The following CADPS2 variants were observed in gnomAD, a reference collection of about 807,000 sequenced individuals.
The protein encoded by CADPS2 is calcium-dependent secretion activator 2.
A neutral mutation model predicts 172.5 loss-of-function variants in CADPS2; 93 were observed. The observed-to-expected ratio is 0.54, with a 90% CI of 0.46 to 0.64. CADPS2 has a LOEUF of 0.64. Ranked by LOEUF, CADPS2 falls within the 30% of genes least tolerant of loss-of-function variation. CADPS2 has a pLI of 0.00. For synonymous variants in CADPS2, 546 were observed against 555.2 expected, an observed-to-expected ratio of 0.98 and a Z score of 0.23; for missense variants, 1,420 against 1,565.9, an observed-to-expected ratio of 0.91 and a Z score of 1.57.
intron 3 of CADPS2, among the ~76,000 whole-genome samples, chr7:122,630,749 T>C (rs1031768826): frequency 6.6e-6 from 1 of 152,192 alleles, no homozygotes; most frequent in African/African-American, 2.4e-5. Context: ...TTGAGGATAT[T>C]CATGTTAATT....
chr7:122,687,764 T>C (rs2083827108), intron 2 of CADPS2, among the ~76,000 whole-genome samples: 1 of 152,222 alleles, frequency 6.6e-6, no homozygotes, highest in Non-Finnish European at 1.5e-5. Flanking sequence ...TACATAGGGA[T>C]ACTACAAATT....
At chr7:122,702,327 T>G (rs772927404) in intron 2 of CADPS2, 2 of 1,613,776 alleles carry the variant, frequency 1.2e-6, no homozygotes, top group South Asian at 2.2e-5. Context: ...TGGTGAGACA[T>G]GGGAAATACT....
chr7:122,490,400 A>G, intron 10 of CADPS2, 119 bp from the exon 11 acceptor site: 1 of 726,936 alleles, frequency 1.4e-6, no homozygotes, highest in South Asian at 1.8e-5. Context: ...AATGTTTTAA[A>G]GAATATTTAG....
intron 2 of CADPS2, among the ~76,000 whole-genome samples, chr7:122,689,144 G>A (rs1189996429): frequency 6.6e-6 from 1 of 152,066 alleles, no homozygotes; most frequent in African/African-American, 2.4e-5. Flanking sequence ...GATTATTAGA[G>A]CCCAATGTAG....
chr7:122,561,637 GT>G (rs1173223207), intron 7 of CADPS2, among the ~76,000 whole-genome samples: 1 of 152,056 alleles, frequency 6.6e-6, no homozygotes, highest in Non-Finnish European at 1.5e-5. Flanking sequence ...AGTAGACAGG[GT>G]AATTCATTTG....
chr7:122,566,224 A>G (rs1233923752), intron 7 of CADPS2, among the ~76,000 whole-genome samples: 1 of 152,152 alleles, frequency 6.6e-6, no homozygotes, highest in African/African-American at 2.4e-5. Context: ...ATTACCAACA[A>G]GATAAAAGAT....
intron 1 of CADPS2, among the ~76,000 whole-genome samples, chr7:122,840,996 G>C (rs1029421393): frequency 2.5e-4 from 38 of 152,078 alleles, no homozygotes; most frequent in African/African-American, 8.9e-4. Flanking sequence ...CTGAGCAAGA[G>C]TTTATGTAAC....
chr7:122,509,430 A>T (rs2059857872), intron 9 of CADPS2, among the ~76,000 whole-genome samples: 1 of 152,210 alleles, frequency 6.6e-6, no homozygotes, highest in South Asian at 2.1e-4. Context: ...AACAACAAGC[A>T]GTGAACACTT....
At chr7:122,773,486 A>G (rs1276761089) in intron 1 of CADPS2, among the ~76,000 whole-genome samples, 1 of 152,088 alleles carries the variant, frequency 6.6e-6, no homozygotes, top group Non-Finnish European at 1.5e-5. Context: ...AAAAGATAGA[A>G]AAGATAAATG....
At chr7:122,581,935 T>C (rs1222073249) in intron 6 of CADPS2, among the ~76,000 whole-genome samples, 2 of 152,144 alleles carry the variant, frequency 1.3e-5, no homozygotes, top group Non-Finnish European at 2.9e-5. Context: ...ACATGCTTTC[T>C]TGGCTTATCT....
intron 11 of CADPS2, among the ~76,000 whole-genome samples, chr7:122,485,672 C>G (rs2057735020): frequency 6.6e-6 from 1 of 152,192 alleles, no homozygotes; most frequent in Admixed American, 6.5e-5. Context: ...AAAGATCCAG[C>G]TAAGATCATT....
At chr7:122,721,491 A>C (rs934089290) in intron 2 of CADPS2, among the ~76,000 whole-genome samples, 1 of 152,174 alleles carries the variant, frequency 6.6e-6, no homozygotes, top group African/African-American at 2.4e-5. Context: ...TAAAGCAGGA[A>C]GAAGTTGAAT....
chr7:122,747,220 A>G (rs2092756065), intron 1 of CADPS2, among the ~76,000 whole-genome samples: 1 of 152,018 alleles, frequency 6.6e-6, no homozygotes, highest in Non-Finnish European at 1.5e-5. Flanking sequence ...ACACCCAGCC[A>G]CCCACTAAGA....
chr7:122,436,986 A>G (rs981641382), intron 17 of CADPS2, among the ~76,000 whole-genome samples: 2 of 152,082 alleles, frequency 1.3e-5, no homozygotes, highest in African/African-American at 4.8e-5. Context: ...TTTACATAAA[A>G]CAATATGGTG....
intron 8 of CADPS2, among the ~76,000 whole-genome samples, chr7:122,521,518 G>T (rs962334841): frequency 1.3e-5 from 2 of 151,906 alleles, no homozygotes. Context: ...GATGAAAAAA[G>T]AAACTGATTC....
At position 122,697,889 on chromosome 7, in the gene CADPS2, C is replaced by T. The variant is rs914476772; in HGVS notation, c.454-34320G>A. 14 of 1,613,498 alleles carry T rather than the reference C, an allele frequency of 8.7e-6. No homozygotes were observed. The Admixed American group carries it at 2.0e-4, about 23-fold the overall frequency. The stretch of plus-strand genomic sequence containing the variant: ...ACATGGATTACTTTATCTGAGGTTC[C>T]TGCAGGAGAAACTTCATTATTTGTC... On this transcript the variant is annotated intron_variant, in intron 2 of 29. Transcript: ENST00000449022.
chr7:122,540,255 T>G (rs2062780520), intron 8 of CADPS2, among the ~76,000 whole-genome samples: 1 of 152,118 alleles, frequency 6.6e-6, no homozygotes, highest in Non-Finnish European at 1.5e-5. Flanking sequence ...CTAAAAAATT[T>G]AGAATACCGA....
intron 6 of CADPS2, among the ~76,000 whole-genome samples, chr7:122,598,255 AC>A (rs1352192991): frequency 2.0e-5 from 3 of 151,924 alleles, no homozygotes; most frequent in Admixed American, 1.3e-4. Flanking sequence ...TTTGAAAAAT[AC>A]CCTGGGTATT....
chr7:122,343,530 T>C (rs1443859292), intron 28 of CADPS2, among the ~76,000 whole-genome samples: 1 of 152,164 alleles, frequency 6.6e-6, no homozygotes, highest in African/African-American at 2.4e-5. Flanking sequence ...GAGAATAACT[T>C]CAAGGAGAAA....
Sources: allele counts gnomAD v4.1 joint callset (sites outside exome capture counted in the v4.1 genomes callset), GRCh38; gene constraint gnomAD v4.1.1; transcripts MANE v1.5; gene names NCBI Gene and HGNC (gene_info 2026-07-23, HGNC 2026-07-21).